Variants in CYP2C19 observed in about 807,000 individuals in gnomAD.
The protein encoded by CYP2C19 is cytochrome P450 2C19.
CYP2C19 carries 59 observed loss-of-function variants against 40.9 expected under a neutral mutation model. The observed-to-expected ratio is 1.44, with a 90% CI of 1.17 to 1.79. CYP2C19 has a LOEUF of 1.79. Ranked by LOEUF, CYP2C19 falls within the 40% of genes most tolerant of loss-of-function variation. The probability of loss-of-function intolerance (pLI) is 0.00; values close to 1 mark genes in which losing one functional copy is unlikely to be tolerated. For missense variants in CYP2C19, 754 were observed against 596.9 expected (o/e 1.26, Z -2.74); for synonymous variants, 253 against 208.7 (o/e 1.21, Z -1.83).
At chr10:94,851,652 G>A (rs899114094) in intron 8 of CYP2C19, among the ~76,000 whole-genome samples, 8 of 152,024 alleles carry the variant, frequency 5.3e-5, no homozygotes, top group Non-Finnish European at 2.9e-5. Flanking sequence ...TTCACTGTCT[G>A]GTGAGGGCCT....
At chr10:94,829,989 AC>A (rs1276069292) in intron 6 of CYP2C19, among the ~76,000 whole-genome samples, 1 of 152,208 alleles carries the variant, frequency 6.6e-6, no homozygotes, top group Non-Finnish European at 1.5e-5. Context: ...TCAGGGACCC[AC>A]TTGAGGAGGC....
chr10:94,828,358 G>A (rs538086715), intron 6 of CYP2C19, among the ~76,000 whole-genome samples: 5 of 151,552 alleles, frequency 3.3e-5, no homozygotes, highest in African/African-American at 1.2e-4. Flanking sequence ...TGTATTGGGT[G>A]CATATATATT....
intron 6 of CYP2C19, among the ~76,000 whole-genome samples, chr10:94,842,393 G>GTTTTT (rs57865512): frequency 1.2e-5 from 1 of 86,938 alleles, no homozygotes; most frequent in African/African-American, 4.5e-5. Context: ...TTTAAGTGAA[G>GTTTTT]TTTTTTTTTT....
intron 6 of CYP2C19, among the ~76,000 whole-genome samples, chr10:94,821,603 C>A (rs959581069): frequency 3.9e-5 from 6 of 151,934 alleles, no homozygotes; most frequent in African/African-American, 1.5e-4. Context: ...TTGGGGGGGC[C>A]AATAATTTTA....
In CYP2C19 at chr10:94,852,763, C is replaced by T. The variant is rs1478149305; in HGVS notation, c.1322C>T (p.Ala441Val). ...GKRICVGEGL[A>V]RMELFLFLTF... ...CGGATTTGTGTGGGAGAGGGCCTGG[C>T]CCGCATGGAGCTGTTTTTATTCCTG... Residue 441 changes from alanine to valine, a missense_variant, in exon 9 of 9, where the codon GCC becomes GTC. Coordinates refer to ENST00000371321, the MANE Select transcript of CYP2C19 (RefSeq NM_000769.4). 5 of 1,613,874 alleles carry T rather than the reference C, an allele frequency of 3.1e-6. No individual in the cohort carries two copies. Among genetic ancestry groups the T allele is most frequent in the South Asian group, 2.2e-5 (2 of 91,080 alleles).
rs182929850 is a variant in CYP2C19 at position 94,786,941 on chromosome 10, T to G, written c.819+4944T>G. 4.6e-5 allele frequency among the ~76,000 whole-genome samples: 7 copies of G among 151,884 alleles called. No individual in the cohort carries two copies. The South Asian group carries it at 8.3e-4, about 18-fold the overall frequency. ...GCTTCTGTGTCTTTGCTATTGTGAA[T>G]AGTGCAGAGATGGACATATGAGCAC... On this transcript the variant is annotated intron_variant, in intron 5 of 8. Coordinates refer to ENST00000371321, the MANE Select transcript of CYP2C19 (RefSeq NM_000769.4).
intron 6 of CYP2C19, among the ~76,000 whole-genome samples, chr10:94,832,767 A>G (rs746299330): frequency 1.2e-4 from 19 of 152,018 alleles, no homozygotes; most frequent in Non-Finnish European, 2.2e-4. Context: ...GTCCATGTCA[A>G]TTTTAAAGAT....
chr10:94,791,678 G>T (rs1300938595), intron 5 of CYP2C19, among the ~76,000 whole-genome samples: 2 of 152,134 alleles, frequency 1.3e-5, no homozygotes, highest in South Asian at 2.1e-4. Flanking sequence ...GAGCAGTTTT[G>T]AGTGAGTTTC....
intron 7 of CYP2C19, among the ~76,000 whole-genome samples, chr10:94,844,963 G>T (rs1384193257): frequency 6.6e-6 from 1 of 152,158 alleles, no homozygotes; most frequent in Non-Finnish European, 1.5e-5. Flanking sequence ...TCACCCACCT[G>T]CAGGGCAGCT....
At chr10:94,787,570 A>G (rs1185159715) in intron 5 of CYP2C19, among the ~76,000 whole-genome samples, 1 of 152,096 alleles carries the variant, frequency 6.6e-6, no homozygotes, top group African/African-American at 2.4e-5. Context: ...ATTCTTTGCA[A>G]AAGCCTGTAT....
At chr10:94,782,823 G>T (rs1401022331) in intron 5 of CYP2C19, among the ~76,000 whole-genome samples, 1 of 152,106 alleles carries the variant, frequency 6.6e-6, no homozygotes, top group Non-Finnish European at 1.5e-5. Flanking sequence ...CATAGATGAA[G>T]CTGGAAGCCC....
intron 6 of CYP2C19, among the ~76,000 whole-genome samples, chr10:94,834,845 C>T (rs1849378577): frequency 2.0e-5 from 3 of 152,270 alleles, no homozygotes; most frequent in South Asian, 2.1e-4. Context: ...CCCAGGTAGG[C>T]TTAGGGATTC....
rs1431561627 is a variant in CYP2C19 at position 94,853,207 on chromosome 10, T to G, written c.*293T>G. 1 of 396,030 alleles carries G rather than the reference T, an allele frequency of 2.5e-6. No homozygotes were observed. Among genetic ancestry groups the G allele is most frequent in the Non-Finnish European group, 4.5e-6 (1 of 222,742 alleles). 24.5% of individuals were successfully genotyped at this position (396,030 alleles called of 1,614,324 possible). On this transcript the variant is annotated 3_prime_UTR_variant, in exon 9 of 9. Transcript: ENST00000371321. ...AGAAAGATGATTTGTGTATTATAAT[T>G]CAAAGGCATTTCTTCTCTGCATGTT...
intron 3 of CYP2C19, among the ~76,000 whole-genome samples, chr10:94,777,231 G>C (rs1848419836): frequency 6.6e-6 from 1 of 152,122 alleles, no homozygotes; most frequent in Non-Finnish European, 1.5e-5. Context: ...ATTGCCAAAA[G>C]TAATTTATAG....
rs34415420 is a variant in CYP2C19 at position 94,853,547 on chromosome 10, C to CTT, written c.*648_*649dup. Among the ~76,000 whole-genome samples, 28,268 of 139,102 alleles carry CTT rather than the reference C, an allele frequency of 0.2. 3,314 individuals are homozygous for CTT. Among genetic ancestry groups the CTT allele is most frequent in the East Asian group, 0.37 (1,749 of 4,754 alleles). The allele number at this position is 139,102 out of a possible 152,430, so 91.3% of individuals were successfully genotyped here. A position where few individuals can be genotyped will look rare whatever the true frequency, so the allele number is the denominator to read the frequency against. On this transcript the variant is annotated 3_prime_UTR_variant, in exon 9 of 9. Transcript: ENST00000371321. ...TATTAAATGTTCCACATTGGTGTTC[C>CTT]TTTTTTTTTTTTTTTTGAGACAATG...
intron 5 of CYP2C19, among the ~76,000 whole-genome samples, chr10:94,813,241 G>A (rs1376061318): frequency 6.6e-6 from 1 of 152,118 alleles, no homozygotes; most frequent in Admixed American, 6.5e-5. Context: ...TCCTCTGGAA[G>A]CTTCGTCCTA....
chr10:94,804,520 T>C (rs1848807310), intron 5 of CYP2C19, among the ~76,000 whole-genome samples: 1 of 152,212 alleles, frequency 6.6e-6, no homozygotes, highest in African/African-American at 2.4e-5. Flanking sequence ...TGTGTGCAGC[T>C]TTTCCTGGTG....
intron 6 of CYP2C19, 55 bp downstream of exon 6, chr10:94,820,692 C>T: frequency 6.2e-7 from 1 of 1,602,654 alleles, no homozygotes; most frequent in Non-Finnish European, 8.5e-7. Flanking sequence ...TGGGAAGGTG[C>T]TGCTAGTGTT....
At chr10:94,813,242 C>G (rs1311404067) in intron 5 of CYP2C19, among the ~76,000 whole-genome samples, 3 of 152,132 alleles carry the variant, frequency 2.0e-5, no homozygotes, top group Non-Finnish European at 4.4e-5. Context: ...CCTCTGGAAG[C>G]TTCGTCCTAG....
Sources: allele counts gnomAD v4.1 joint callset (sites outside exome capture counted in the v4.1 genomes callset), GRCh38; gene constraint gnomAD v4.1.1; transcripts MANE v1.5; gene names NCBI Gene and HGNC (gene_info 2026-07-23, HGNC 2026-07-21).